CNRIP1: variants seen among roughly 807,000 people sequenced by gnomAD.
The protein encoded by CNRIP1 is cannabinoid receptor interacting protein 1.
Under a neutral mutation model 15.2 loss-of-function variants are expected in CNRIP1, and 10 were observed. The ratio of observed to expected loss-of-function variants is 0.66; its 90% CI spans 0.41 to 1.12. CNRIP1 has a LOEUF of 1.12. Among genes scored for constraint, CNRIP1 ranks in the 50% most tolerant of loss-of-function variants. The pLI, the probability that CNRIP1 is intolerant of heterozygous loss-of-function variation, is 0.00. For missense variants in CNRIP1, 211 were observed against 214.7 expected (o/e 0.98, Z 0.11); for synonymous variants, 91 against 83.2 (o/e 1.09, Z -0.51).
intron 2 of CNRIP1, among the ~76,000 whole-genome samples, chr2:68,315,658 A>G (rs1407550530): frequency 1.3e-5 from 2 of 152,168 alleles, no homozygotes; most frequent in Non-Finnish European, 1.5e-5. Context: ...AGAAAAAAGT[A>G]TATATATGGA....
Position 68,294,013 on chromosome 2 carries a change from C to T in CNRIP1, c.344G>A (p.Gly115Glu). 6.2e-7 allele frequency: 1 copy of T among 1,613,740 alleles called. No homozygotes were observed. The highest frequency in any genetic ancestry group is 8.5e-7 in the Non-Finnish European group (1 of 1,179,822). The change falls in exon 3 of 3, where the codon GGG becomes GAG. Residue 115 changes from glycine to glutamate, a missense_variant. Physicochemically the swap from Gly to Glu is moderately conservative, Grantham distance 98. Coordinates refer to ENST00000263655, the MANE Select transcript of CNRIP1 (RefSeq NM_015463.3). ...GACTTGCCACACTGTCTCGAAGGTC[C>T]CAATGTCTGTGAACTGAGGGAAGAG... Reference protein sequence around the residue: ...IQITMPFTDIGTFETVWQVKF... With the variant: ...IQITMPFTDIETFETVWQVKF...
intron 2 of CNRIP1, among the ~76,000 whole-genome samples, chr2:68,310,881 C>T (rs1450785868): frequency 4.6e-5 from 7 of 151,770 alleles, no homozygotes; most frequent in East Asian, 1.9e-4. Context: ...ATAAAAAAGA[C>T]AAATGAAAAT....
intron 2 of CNRIP1, among the ~76,000 whole-genome samples, chr2:68,284,904 G>A (rs1320929779): frequency 6.6e-6 from 1 of 151,966 alleles, no homozygotes; most frequent in Non-Finnish European, 1.5e-5. Context: ...GGGCTAGATT[G>A]TTTCTTTGTA....
intron 2 of CNRIP1, among the ~76,000 whole-genome samples, chr2:68,311,159 T>G (rs1264527195): frequency 6.6e-6 from 1 of 152,024 alleles, no homozygotes; most frequent in Admixed American, 6.6e-5. Context: ...CCAATTTTGG[T>G]GAAAACATTA....
intron 2 of CNRIP1, among the ~76,000 whole-genome samples, chr2:68,315,703 C>CT (rs901076052): frequency 2.6e-5 from 4 of 152,008 alleles, no homozygotes; most frequent in African/African-American, 4.8e-5. Flanking sequence ...ATGACAGGGT[C>CT]TTACTCTTGT....
At chr2:68,306,285 G>A (rs868304891) in intron 2 of CNRIP1, among the ~76,000 whole-genome samples, 1 of 146,708 alleles carries the variant, frequency 6.8e-6, no homozygotes, top group African/African-American at 2.5e-5. Context: ...CTGGGTAACA[G>A]TGAGATAACA....
At chr2:68,287,849 T>C (rs1671068197) in intron 2 of CNRIP1, among the ~76,000 whole-genome samples, 1 of 152,234 alleles carries the variant, frequency 6.6e-6, no homozygotes, top group African/African-American at 2.4e-5. Flanking sequence ...AATAAACAAC[T>C]TCATAAACTT....
chr2:68,286,865 A>T (rs1671044399), intron 2 of CNRIP1, among the ~76,000 whole-genome samples: 1 of 152,218 alleles, frequency 6.6e-6, no homozygotes, highest in African/African-American at 2.4e-5. Context: ...TGAGCTTAAT[A>T]GCCTCATTTT....
intron 2 of CNRIP1, among the ~76,000 whole-genome samples, chr2:68,285,324 A>T (rs1434646288): frequency 6.6e-6 from 1 of 152,096 alleles, no homozygotes; most frequent in Non-Finnish European, 1.5e-5. Flanking sequence ...CTCCAAAAAG[A>T]TTCACAGGTT....
Position 68,319,356 on chromosome 2 carries a change from G to C in CNRIP1, c.45C>G (p.Arg15=), listed in dbSNP as rs201036135. ...AGACCGGGCCGTCATTAGGCTGGATGCGCAGCGCGATGGAGAGGCGCACGA... is the reference window on the plus strand; with the variant it reads ...AGACCGGGCCGTCATTAGGCTGGATCCGCAGCGCGATGGAGAGGCGCACGA... The part of the protein sequence containing the change: ...PGLVRLSIAL[R]IQPNDGPVFY... Residue 15 remains arginine (R), a synonymous_variant, in exon 1 of 3, where the codon CGC becomes CGG. Transcript: ENST00000263655. 6 of 1,584,462 alleles carry C rather than the reference G, an allele frequency of 3.8e-6. No individual in the cohort carries two copies. The highest frequency in any genetic ancestry group is 1.8e-5 in the Admixed American group (1 of 56,712).
exon 3 of CNRIP1, chr2:68,284,219 T>C (rs888683198): frequency 2.6e-6 from 1 of 387,796 alleles, no homozygotes; most frequent in Non-Finnish European, 4.6e-6. Context: ...AAGTGCTTAA[T>C]AAAATGCAGA....
At chr2:68,303,206 A>G (rs143227779) in intron 2 of CNRIP1, among the ~76,000 whole-genome samples, 1,890 of 152,336 alleles carry the variant, frequency 0.012, 15 homozygotes, top group Non-Finnish European at 0.021. Context: ...TCAAAAGACA[A>G]TAATAGCTAG....
intron 2 of CNRIP1, among the ~76,000 whole-genome samples, chr2:68,304,487 CTG>C (rs1342495714): frequency 3.9e-5 from 6 of 152,054 alleles, no homozygotes; most frequent in African/African-American, 1.4e-4. Context: ...CGGTCCCTAA[CTG>C]TAACTCGTGA....
rs61586261 is a variant in CNRIP1, at chr2:68,306,124, C to CAAAAAAAAAAAAAAAAAAAA, written c.330+11013_330+11032dup. Among the ~76,000 whole-genome samples, 29 of 25,340 alleles carry CAAAAAAAAAAAAAAAAAAAA rather than the reference C, an allele frequency of 1.1e-3. 3 individuals carry two copies. Among genetic ancestry groups the CAAAAAAAAAAAAAAAAAAAA allele is most frequent in the Non-Finnish European group, 1.6e-3 (23 of 14,272 alleles). 16.6% of individuals were successfully genotyped at this position (25,340 alleles called of 152,430 possible). ...CTGGGCAGCAGAGACCCCACCTCTA[C>CAAAAAAAAAAAAAAAAAAAA]AAAAAAAAAAAAAAAAAAAAAAAAA... On this transcript the variant is annotated intron_variant, in intron 2 of 2. Coordinates refer to ENST00000263655, the MANE Select transcript of CNRIP1 (RefSeq NM_015463.3).
intron 2 of CNRIP1, among the ~76,000 whole-genome samples, chr2:68,304,626 C>CTTTTTTT (rs11292248): frequency 0.011 from 1,524 of 136,938 alleles, 38 homozygotes; most frequent in African/African-American, 0.038. Context: ...ATCTGGTTGT[C>CTTTTTTT]TTTTTTTTTT....
At chr2:68,316,844 A>G (rs1672289540) in intron 2 of CNRIP1, 4 of 563,016 alleles carry the variant, frequency 7.1e-6, no homozygotes, top group Non-Finnish European at 1.3e-5. Flanking sequence ...GAAACTTTTC[A>G]CAGCCAATTA....
At chr2:68,284,810 C>CA (rs146572383) in intron 2 of CNRIP1, among the ~76,000 whole-genome samples, 16,163 of 73,242 alleles carry the variant, frequency 0.22, 1,382 homozygotes, top group Middle Eastern at 0.34. Flanking sequence ...GACTCTGTCT[C>CA]AAAAAAAAAA....
In CNRIP1 at chr2:68,319,244, T is replaced by C. The variant is rs775607996; in HGVS notation, c.157A>G (p.Lys53Glu). Residue 53 changes from lysine to glutamate, a missense_variant, in exon 1 of 3, where the codon AAA becomes GAA. Coordinates refer to ENST00000263655, the MANE Select transcript of CNRIP1 (RefSeq NM_015463.3). Reference protein sequence around the residue: ...GSSYKVEVKIKPSTLQVENIS... With the variant: ...GSSYKVEVKIEPSTLQVENIS... ...CACTCGACCTGCAGCGTGCTGGGTT[T>C]AATCTTCACCTCAACCTTGTAGGAG... 1 of 1,549,104 alleles carries C rather than the reference T, an allele frequency of 6.5e-7. No individual in the cohort carries two copies. Among genetic ancestry groups the C allele is most frequent in the South Asian group, 1.2e-5 (1 of 83,966 alleles).
chr2:68,309,976 T>C (rs150713757), intron 2 of CNRIP1, among the ~76,000 whole-genome samples: 56 of 152,282 alleles, frequency 3.7e-4, no homozygotes, highest in East Asian at 1.3e-3. Flanking sequence ...TGTATGTATG[T>C]ATGCATGCAT....
Sources: gnomAD v4.1 joint callset for allele counts (sites outside exome capture counted in the v4.1 genomes callset) on GRCh38, gnomAD v4.1.1 for gene constraint, MANE v1.5 for transcripts, NCBI Gene and HGNC (gene_info 2026-07-23, HGNC 2026-07-21) for gene names.